Variants in CNTNAP4 observed in about 807,000 individuals in gnomAD.
CNTNAP4 encodes contactin-associated protein-like 4.
A neutral mutation model predicts 148.4 loss-of-function variants in CNTNAP4; 98 were observed. The observed-to-expected ratio is 0.66, with a 90% confidence interval of 0.56 to 0.78. The LOEUF (loss-of-function observed/expected upper bound fraction) is 0.78, where lower values mean the gene tolerates loss of function less well. CNTNAP4 is among the 30% of genes least tolerant of loss of function. CNTNAP4 has a pLI of 0.00. For synonymous variants in CNTNAP4, 730 were observed against 565.1 expected (o/e 1.29, Z -4.14); for missense variants, 1,935 against 1,565.6 (o/e 1.24, Z -3.98).
At chr16:76,292,608 T>A (rs1959159036) in intron 1 of CNTNAP4, among the ~76,000 whole-genome samples, 1 of 152,216 alleles carries the variant, frequency 6.6e-6, no homozygotes, top group Non-Finnish European at 1.5e-5. Context: ...ATTTACTATT[T>A]ATGGGTAGGA....
chr16:76,308,247 T>C (rs1960708547), intron 1 of CNTNAP4, among the ~76,000 whole-genome samples: 1 of 152,198 alleles, frequency 6.6e-6, no homozygotes, highest in Non-Finnish European at 1.5e-5. Flanking sequence ...AAATTAATAC[T>C]TAAAGAAGCT....
At chr16:76,319,867 G>A (rs1962225084) in intron 2 of CNTNAP4, among the ~76,000 whole-genome samples, 1 of 152,166 alleles carries the variant, frequency 6.6e-6, no homozygotes, top group Non-Finnish European at 1.5e-5. Flanking sequence ...CTAGTTTCCA[G>A]AACTGTGAGA....
chr16:76,387,575 T>G (rs1028004664), intron 3 of CNTNAP4, among the ~76,000 whole-genome samples: 4 of 152,198 alleles, frequency 2.6e-5, no homozygotes, highest in African/African-American at 9.6e-5. Flanking sequence ...TCAGGCTTTG[T>G]GATAAAATAT....
intron 17 of CNTNAP4, among the ~76,000 whole-genome samples, chr16:76,531,037 G>A (rs1157592675): frequency 6.6e-6 from 1 of 152,134 alleles, no homozygotes; most frequent in Non-Finnish European, 1.5e-5. Flanking sequence ...TTGCCATAGT[G>A]TCAAAGTCAG....
chr16:76,281,529 C>T (rs1195989060), intron 1 of CNTNAP4, among the ~76,000 whole-genome samples: 1 of 151,964 alleles, frequency 6.6e-6, no homozygotes, highest in Non-Finnish European at 1.5e-5. Context: ...ATACCTGGTG[C>T]TTACTCTAGG....
chr16:76,500,052 C>T (rs1206760424), intron 15 of CNTNAP4, among the ~76,000 whole-genome samples: 2 of 152,170 alleles, frequency 1.3e-5, no homozygotes, highest in African/African-American at 2.4e-5. Flanking sequence ...CATCATGGCC[C>T]GTTCTCAATG....
chr16:76,304,788 A>G (rs573089215), intron 1 of CNTNAP4, among the ~76,000 whole-genome samples: 77 of 152,264 alleles, frequency 5.1e-4, no homozygotes, highest in African/African-American at 1.8e-3. Flanking sequence ...TGGTTCTGCA[A>G]TTACAGTTTG....
chr16:76,390,513 C>G (rs1392753664), intron 3 of CNTNAP4, among the ~76,000 whole-genome samples: 1 of 151,268 alleles, frequency 6.6e-6, no homozygotes, highest in Non-Finnish European at 1.5e-5. Context: ...CGTTCACAGC[C>G]AGGGAATCTG....
At chr16:76,305,221 T>G (rs1960357105) in intron 1 of CNTNAP4, among the ~76,000 whole-genome samples, 1 of 152,216 alleles carries the variant, frequency 6.6e-6, no homozygotes, top group African/African-American at 2.4e-5. Context: ...GTTATTTCAA[T>G]TTTCTCTATG....
rs2083454554 is a variant in CNTNAP4, at chr16:76,521,578, T to C, written c.2536+268T>C. On this transcript the variant is annotated intron_variant, in intron 16 of 23. Coordinates refer to ENST00000611870, the MANE Select transcript of CNTNAP4 (RefSeq NM_033401.5). ...GTTAATTAAAACTAAAACACAATTT[T>C]TTAGTTAATTACAAATTACTTAATC... 2.0e-5 allele frequency among the ~76,000 whole-genome samples: 3 copies of C among 152,312 alleles called. No homozygotes were observed. The South Asian group carries it at 6.2e-4, about 32-fold the overall frequency.
intron 3 of CNTNAP4, among the ~76,000 whole-genome samples, chr16:76,413,034 T>G (rs4371177): frequency 0.35 from 52,867 of 151,146 alleles, 10,894 homozygotes; most frequent in Non-Finnish European, 0.44. Flanking sequence ...TTTTGATACA[T>G]GCATGCAGTG....
At position 76,512,777 on chromosome 16, in the gene CNTNAP4, G is replaced by C. The variant is rs546504044; in HGVS notation, c.2366-8363G>C. On this transcript the variant is annotated intron_variant, in intron 15 of 23. Transcript: ENST00000611870. ...GAGGTGAAGAGGAAGCAAGAAAGAA[G>C]ACTGAGAATATATCACCTATGAGAA... Among the ~76,000 whole-genome samples, 4 of 152,264 alleles carry C rather than the reference G, an allele frequency of 2.6e-5. No individual in the cohort carries two copies. The East Asian group carries it at 5.8e-4, about 22-fold the overall frequency.
At chr16:76,335,892 C>T (rs1217740397) in intron 2 of CNTNAP4, among the ~76,000 whole-genome samples, 1 of 152,092 alleles carries the variant, frequency 6.6e-6, no homozygotes, top group African/African-American at 2.4e-5. Context: ...CAAGTACATC[C>T]TTAACCTGAA....
intron 3 of CNTNAP4, among the ~76,000 whole-genome samples, chr16:76,382,952 C>G (rs62051174): frequency 1.3e-3 from 195 of 152,234 alleles, no homozygotes; most frequent in Non-Finnish European, 2.3e-3. Context: ...GTAATTGAAA[C>G]ATCAATAATA....
At chr16:76,340,455 G>A (rs1287306947) in intron 2 of CNTNAP4, among the ~76,000 whole-genome samples, 2 of 151,880 alleles carry the variant, frequency 1.3e-5, no homozygotes, top group Non-Finnish European at 2.9e-5. Flanking sequence ...AATGACTCTT[G>A]ACTCTGAGCA....
intron 4 of CNTNAP4, among the ~76,000 whole-genome samples, chr16:76,433,691 G>A (rs1440446520): frequency 1.3e-5 from 2 of 151,990 alleles, no homozygotes; most frequent in Non-Finnish European, 2.9e-5. Context: ...CTGGTTAGGG[G>A]GAAGAATGAA....
intron 3 of CNTNAP4, among the ~76,000 whole-genome samples, chr16:76,360,495 A>G (rs907329707): frequency 1.3e-5 from 2 of 152,146 alleles, no homozygotes; most frequent in African/African-American, 4.8e-5. Context: ...CCTTATGTTG[A>G]GCCCTTATTC....
chr16:76,555,877 A>T (rs35031793), intron 23 of CNTNAP4, among the ~76,000 whole-genome samples: 4 of 151,822 alleles, frequency 2.6e-5, no homozygotes, highest in Admixed American at 6.6e-5. Context: ...CAGAGACTAA[A>T]CTTCAGAAGC....
intron 2 of CNTNAP4, among the ~76,000 whole-genome samples, chr16:76,335,716 C>T (rs148183330): frequency 6.4e-4 from 97 of 152,272 alleles, no homozygotes; most frequent in Middle Eastern, 3.4e-3. Flanking sequence ...CATTCTGTTG[C>T]TGCCATGTGG....
Sources: allele counts gnomAD v4.1 joint callset (sites outside exome capture counted in the v4.1 genomes callset), GRCh38; gene constraint gnomAD v4.1.1; transcripts MANE v1.5; gene names NCBI Gene and HGNC (gene_info 2026-07-23, HGNC 2026-07-21).